TOM1L1: variants seen among roughly 807,000 people sequenced by gnomAD.
TOM1L1 encodes the protein target of myb1 like 1 membrane trafficking protein.
In TOM1L1, 64 loss-of-function variants were observed where a neutral mutation model predicts 63.4. That is an observed-to-expected ratio of 1.01 (90% CI 0.83 to 1.24). TOM1L1 has a LOEUF of 1.24. TOM1L1 is among the 50% of genes most tolerant of loss of function. The pLI is 0.00. For missense variants in TOM1L1, 536 were observed against 567.0 expected (o/e 0.95, Z 0.55); for synonymous variants, 166 against 194.4 (o/e 0.85, Z 1.22).
chr17:54,901,782 C>T (rs749488634), intron 1 of TOM1L1, among the ~76,000 whole-genome samples: 1 of 152,090 alleles, frequency 6.6e-6, no homozygotes, highest in Non-Finnish European at 1.5e-5. Flanking sequence ...AAATTTAGAT[C>T]ACAGCTCTAC....
intron 7 of TOM1L1, among the ~76,000 whole-genome samples, chr17:54,925,452 C>T (rs2048752355): frequency 6.6e-6 from 1 of 152,208 alleles, no homozygotes; most frequent in South Asian, 2.1e-4. Context: ...AGCCAGGCCC[C>T]AGGGCACAGA....
intron 14 of TOM1L1, chr17:54,957,930 G>A (rs1333505473): frequency 3.3e-5 from 5 of 152,196 alleles, no homozygotes; most frequent in Admixed American, 3.3e-4. Flanking sequence ...CAAAATTTGT[G>A]TTAATGTTAT....
At chr17:54,960,225 C>T (rs1395660862) in intron 14 of TOM1L1, among the ~76,000 whole-genome samples, 4 of 151,890 alleles carry the variant, frequency 2.6e-5, no homozygotes, top group Non-Finnish European at 5.9e-5. Context: ...ATTAGCTGGG[C>T]ATGGTTGTGT....
At chr17:54,930,693 T>G (rs1004047160) in intron 8 of TOM1L1, among the ~76,000 whole-genome samples, 2 of 151,862 alleles carry the variant, frequency 1.3e-5, no homozygotes, top group African/African-American at 2.4e-5. Context: ...TACAAAATAA[T>G]TAGCTGGGCA....
At chr17:54,904,043 T>C (rs1320144373) in intron 2 of TOM1L1, among the ~76,000 whole-genome samples, 1 of 152,152 alleles carries the variant, frequency 6.6e-6, no homozygotes, top group Non-Finnish European at 1.5e-5. Flanking sequence ...TCAAATTTTG[T>C]CACTGTGAAG....
intron 2 of TOM1L1, 143 bp from the exon 3 acceptor site, chr17:54,905,346 C>T (rs1188369979): frequency 8.6e-6 from 5 of 582,152 alleles, no homozygotes; most frequent in Non-Finnish European, 1.5e-5. Context: ...TTAAGTCATT[C>T]GCATAGGGTC....
At chr17:54,914,147 A>G (rs1180166643) in intron 5 of TOM1L1, among the ~76,000 whole-genome samples, 1 of 152,144 alleles carries the variant, frequency 6.6e-6, no homozygotes, top group African/African-American at 2.4e-5. Context: ...TTCTCTGCAC[A>G]TTAATGTTGA....
chr17:54,916,483 C>T (rs1443184216), intron 7 of TOM1L1: 1 of 152,090 alleles, frequency 6.6e-6, no homozygotes, highest in East Asian at 1.9e-4. Flanking sequence ...TCTGTGTATA[C>T]ATATACTTTA....
rs922124807 is a variant in TOM1L1 at position 54,949,728 on chromosome 17, C to G, written c.1288+105C>G. 2.8e-5 allele frequency: 27 copies of G among 980,708 alleles called. No individual in the cohort carries two copies. In the African/African-American group the frequency reaches 4.4e-4, roughly 16 times the overall value. 60.8% of individuals were successfully genotyped at this position (980,708 alleles called of 1,614,324 possible). A position where few individuals can be genotyped will look rare whatever the true frequency, so the allele number is the denominator to read the frequency against. ...GAAAATAGGAGAAATTAGAGATGCT[C>G]TTTTGTATTTTTAAGCTAATGAAAC... On this transcript the variant is annotated intron_variant, in intron 13 of 15. Transcript: ENST00000575882.
At chr17:54,950,155 T>G (rs2049193467) in intron 14 of TOM1L1, 29 bp downstream of exon 14, 1 of 1,571,800 alleles carries the variant, frequency 6.4e-7, no homozygotes, top group African/African-American at 1.4e-5. Context: ...GATTAATTTA[T>G]TTTTTGTCTT....
intron 1 of TOM1L1, among the ~76,000 whole-genome samples, chr17:54,902,326 G>A (rs1056032049): frequency 6.6e-6 from 1 of 152,102 alleles, no homozygotes; most frequent in Non-Finnish European, 1.5e-5. Context: ...TTGAGACGGG[G>A]AGTGACACCC....
chr17:54,958,623 C>A (rs769069562), intron 14 of TOM1L1, among the ~76,000 whole-genome samples: 2 of 151,040 alleles, frequency 1.3e-5, no homozygotes, highest in African/African-American at 4.9e-5. Flanking sequence ...TCCAACTATT[C>A]GGGAGGATGA....
chr17:54,924,831 A>T (rs2048742200), intron 7 of TOM1L1, among the ~76,000 whole-genome samples: 1 of 152,190 alleles, frequency 6.6e-6, no homozygotes, highest in South Asian at 2.1e-4. Context: ...TTGGTATGAG[A>T]TGGGGACTTT....
intron 5 of TOM1L1, 24 bp from the exon 6 acceptor site, chr17:54,914,610 AATAAT>A: frequency 1.3e-6 from 2 of 1,565,298 alleles, no homozygotes; most frequent in South Asian, 1.1e-5. Flanking sequence ...TAATTCACAT[AATAAT>A]ATTACCATGT....
At chr17:54,936,763 G>GTGAGAA (rs2048954473) in intron 9 of TOM1L1, 54 bp downstream of exon 9, 1 of 1,497,458 alleles carries the variant, frequency 6.7e-7, no homozygotes, top group Non-Finnish European at 9.1e-7. Context: ...GCCAATTACA[G>GTGAGAA]TGAGAAGCAA....
At chr17:54,916,179 G>C in intron 7 of TOM1L1, 1 of 399,264 alleles carries the variant, frequency 2.5e-6, no homozygotes, top group Non-Finnish European at 4.4e-6. Flanking sequence ...CAAACATTGA[G>C]TAACTGTGAT....
At chr17:54,900,973 C>G in intron 1 of TOM1L1, 50 bp downstream of exon 1, 5 of 1,611,088 alleles carry the variant, frequency 3.1e-6, no homozygotes. Flanking sequence ...ACCGTGGGAT[C>G]CTTTCCTGCT....
rs1029196055 is a variant in TOM1L1, at chr17:54,938,032, A to C, written c.1033+806A>C. The C allele has an allele frequency of 2.0e-5, 3 of 152,068 alleles. No individual in the cohort carries two copies. In the South Asian group the frequency reaches 6.2e-4, roughly 32 times the overall value. The allele number at this position is 152,068 out of a possible 1,614,324, so 9.4% of individuals were successfully genotyped here. On this transcript the variant is annotated intron_variant, in intron 10 of 15. Coordinates refer to ENST00000575882, the MANE Select transcript of TOM1L1 (RefSeq NM_005486.3). ...GGAGTAAAAATATTCAGTATCACTG[A>C]ATTTGTGGTTTTCTTAGAACTCTAC...
At position 54,951,492 on chromosome 17, in the gene TOM1L1, C is replaced by T. The variant is rs375240520; in HGVS notation, c.1370+1366C>T. On this transcript the variant is annotated intron_variant, in intron 14 of 15. Transcript: ENST00000575882. ...CAAAGGTGGGCGATTAGAGTGGTGC[C>T]TTGGGGCAGGTGAAAGGAGGACTAG... is the stretch of plus-strand genomic sequence containing the variant. Among the ~76,000 whole-genome samples the T allele has an allele frequency of 3.9e-5, 6 of 152,294 alleles. 1 individual carries two copies. The highest frequency in any genetic ancestry group is 1.4e-4 in the African/African-American group (6 of 41,572).
Sources: gnomAD v4.1 joint callset for allele counts (sites outside exome capture counted in the v4.1 genomes callset) on GRCh38, gnomAD v4.1.1 for gene constraint, MANE v1.5 for transcripts, NCBI Gene and HGNC (gene_info 2026-07-23, HGNC 2026-07-21) for gene names.